Variants in TUB observed in about 807,000 individuals in gnomAD.
The protein encoded by TUB is TUB bipartite transcription factor.
Under a neutral mutation model 59.7 loss-of-function variants are expected in TUB, and 33 were observed. The ratio of observed to expected loss-of-function variants is 0.55; its 90% CI spans 0.42 to 0.74. TUB has a LOEUF of 0.74. Among genes scored for constraint, TUB ranks in the 30% least tolerant of loss-of-function variants. The probability of loss-of-function intolerance (pLI) is 0.00; values close to 1 mark genes in which losing one functional copy is unlikely to be tolerated. For missense variants in TUB, 659 were observed against 672.0 expected (o/e 0.98, Z 0.21); for synonymous variants, 293 against 256.4 (o/e 1.14, Z -1.36).
chr11:8,026,654 T>A (rs1942504148), intron 1 of TUB, among the ~76,000 whole-genome samples: 1 of 152,208 alleles, frequency 6.6e-6, no homozygotes, highest in Non-Finnish European at 1.5e-5. Context: ...CAAAAAATAC[T>A]TATAAGTATT....
At chr11:8,046,428 A>C (rs1942834201) in intron 2 of TUB, among the ~76,000 whole-genome samples, 1 of 152,142 alleles carries the variant, frequency 6.6e-6, no homozygotes, top group Non-Finnish European at 1.5e-5. Context: ...AACTCAATGC[A>C]TCCAAACTAA....
chr11:8,038,133 T>C (rs779322948), upstream of TUB, among the ~76,000 whole-genome samples: 2 of 152,116 alleles, frequency 1.3e-5, no homozygotes, highest in Non-Finnish European at 2.9e-5. Context: ...ATAGAGTGAA[T>C]GTTCAGACTC....
chr11:8,025,418 C>T (rs926585219), intron 1 of TUB, among the ~76,000 whole-genome samples: 29 of 152,256 alleles, frequency 1.9e-4, no homozygotes, highest in African/African-American at 6.5e-4. Flanking sequence ...AGGAGTGTGC[C>T]TAGTGTGTTT....
At chr11:8,065,983 T>C (rs754449539) in intron 2 of TUB, among the ~76,000 whole-genome samples, 6 of 152,186 alleles carry the variant, frequency 3.9e-5, no homozygotes, top group Non-Finnish European at 7.3e-5. Context: ...GAAGCGTTTC[T>C]CTCTGTGAGC....
rs1944528638 is a variant in TUB, at chr11:8,105,547, C to CTACTGCACTTAGTAGCTA, written c.*3930_*3947dup. On this transcript the variant is annotated 3_prime_UTR_variant, in exon 12 of 12. Transcript: ENST00000299506. ...AGGCAAGTTGGTCTTATAGAAAGCA[C>CTACTGCACTTAGTAGCTA]TACTGCACTTAGTAGCTATGTGATT... 1 of 152,210 alleles carries CTACTGCACTTAGTAGCTA rather than the reference C, an allele frequency of 6.6e-6. No homozygotes were observed. The highest frequency in any genetic ancestry group is 2.4e-5 in the African/African-American group (1 of 41,444). 9.4% of individuals were successfully genotyped at this position (152,210 alleles called of 1,614,324 possible).
intron 2 of TUB, among the ~76,000 whole-genome samples, chr11:8,056,057 A>G (rs559154639): frequency 3.5e-4 from 54 of 152,214 alleles, no homozygotes; most frequent in African/African-American, 1.1e-3. Context: ...AGCAGGAAGG[A>G]GCTGGCTGCT....
At chr11:8,042,924 A>G (rs865980426) in intron 2 of TUB, among the ~76,000 whole-genome samples, 5 of 152,232 alleles carry the variant, frequency 3.3e-5, no homozygotes, top group Middle Eastern at 3.4e-3. Flanking sequence ...CTTTTGCAAC[A>G]CCAATATTTT....
intron 2 of TUB, among the ~76,000 whole-genome samples, chr11:8,041,619 CTG>C: frequency 6.6e-6 from 1 of 152,162 alleles, no homozygotes; most frequent in Non-Finnish European, 1.5e-5. Flanking sequence ...CGTATGCATT[CTG>C]CCTCCCATAT....
Position 8,101,856 on chromosome 11 carries a change from G to GATTCGGCGT in TUB, c.*237_*238insATTCGGCGT. Reference sequence around the variant, plus strand: ...AAGGGATGAGAATAATTCTTTCCATGCCACGAGATCAACACACACTCCCAC... The same window carrying GATTCGGCGT: ...AAGGGATGAGAATAATTCTTTCCATGATTCGGCGTCCACGAGATCAACACACACTCCCAC... On this transcript the variant is annotated 3_prime_UTR_variant, in exon 12 of 12. Coordinates refer to ENST00000299506, the MANE Select transcript of TUB (RefSeq NM_177972.3). The GATTCGGCGT allele has an allele frequency of 2.5e-5, 12 of 482,840 alleles. No homozygotes were observed. Among genetic ancestry groups the GATTCGGCGT allele is most frequent in the South Asian group, 1.5e-4 (4 of 26,824 alleles). The allele number at this position is 482,840 out of a possible 1,614,324, so 29.9% of individuals were successfully genotyped here. A position where few individuals can be genotyped will look rare whatever the true frequency, so the allele number is the denominator to read the frequency against.
intron 1 of TUB, among the ~76,000 whole-genome samples, chr11:8,026,833 A>G (rs1272409550): frequency 6.6e-6 from 1 of 152,206 alleles, no homozygotes; most frequent in African/African-American, 2.4e-5. Flanking sequence ...TGTTGACTTT[A>G]TAGATCAATT....
At chr11:8,097,611 G>T in intron 7 of TUB, 103 bp from the exon 8 acceptor site, 1 of 1,302,844 alleles carries the variant, frequency 7.7e-7, no homozygotes, top group Non-Finnish European at 1.1e-6. Flanking sequence ...ACATATGTGC[G>T]TTTGGGAGCT....
intron 2 of TUB, among the ~76,000 whole-genome samples, chr11:8,074,579 A>AT (rs1589951581): frequency 6.6e-6 from 1 of 151,618 alleles, no homozygotes; most frequent in African/African-American, 2.4e-5. Flanking sequence ...TCTACAAAAG[A>AT]TTTTTTAAAA....
chr11:8,040,919 A>G (rs1303727712), intron 2 of TUB, among the ~76,000 whole-genome samples: 1 of 152,232 alleles, frequency 6.6e-6, no homozygotes, highest in Non-Finnish European at 1.5e-5. Context: ...TGTAACAGGC[A>G]AAACAGGCCT....
chr11:8,034,210 C>T (rs1213157049), upstream of TUB, among the ~76,000 whole-genome samples: 1 of 152,174 alleles, frequency 6.6e-6, no homozygotes, highest in Non-Finnish European at 1.5e-5. Flanking sequence ...ACAGCCACCC[C>T]TCCCCCTAAG....
intron 2 of TUB, among the ~76,000 whole-genome samples, chr11:8,040,348 T>C (rs1035227058): frequency 1.3e-5 from 2 of 152,122 alleles, no homozygotes; most frequent in Non-Finnish European, 2.9e-5. Context: ...AATGACAGGA[T>C]CCTGTCCCCA....
intron 2 of TUB, among the ~76,000 whole-genome samples, chr11:8,047,321 G>A (rs933139058): frequency 3.3e-5 from 5 of 152,180 alleles, no homozygotes; most frequent in African/African-American, 1.2e-4. Context: ...TCAATCACAT[G>A]CAGTGCTAAA....
chr11:8,082,218 C>A (rs1232063838), intron 1 of TUB, among the ~76,000 whole-genome samples: 1 of 152,186 alleles, frequency 6.6e-6, no homozygotes. Flanking sequence ...TATACCTAGA[C>A]ACACACCAGC....
At chr11:8,100,784 G>A (rs766589256) in intron 10 of TUB, 42 bp from the exon 11 acceptor site, 71 of 1,608,282 alleles carry the variant, frequency 4.4e-5, no homozygotes, top group Non-Finnish European at 5.4e-5. Context: ...TGGTCATGGT[G>A]CCAAAGGCCT....
At chr11:8,089,999 C>A in intron 2 of TUB, 70 bp from the exon 3 acceptor site, 3 of 1,483,846 alleles carry the variant, frequency 2.0e-6, no homozygotes, top group Non-Finnish European at 1.8e-6. Flanking sequence ...GGGCTGTGGA[C>A]CCCCCGATAA....
Sources: allele counts gnomAD v4.1 joint callset (sites outside exome capture counted in the v4.1 genomes callset), GRCh38; gene constraint gnomAD v4.1.1; transcripts MANE v1.5; gene names NCBI Gene and HGNC (gene_info 2026-07-23, HGNC 2026-07-21).